Variants in SDHAF3 observed in about 807,000 individuals in gnomAD.
The protein encoded by SDHAF3 is succinate dehydrogenase assembly factor 3, mitochondrial.
A neutral mutation model predicts 11.5 loss-of-function variants in SDHAF3; 18 were observed. The ratio of observed to expected loss-of-function variants is 1.56; its 90% confidence interval spans 1.08 to 2.32. The LOEUF (loss-of-function observed/expected upper bound fraction) is 2.32. Ranked by LOEUF, SDHAF3 falls within the 30% of genes most tolerant of loss-of-function variation. SDHAF3 has a pLI of 0.00. For missense variants in SDHAF3, 200 were observed against 154.4 expected, an observed-to-expected ratio of 1.30 and a Z score of -1.57; for synonymous variants, 72 against 59.3, an observed-to-expected ratio of 1.21 and a Z score of -0.99.
chr7:97,180,952 C>A, intron 1 of SDHAF3, 60 bp from the exon 2 acceptor site: 1 of 1,401,158 alleles, frequency 7.1e-7, no homozygotes, highest in Non-Finnish European at 9.7e-7. Flanking sequence ...AATTCAAGTC[C>A]TCTAATGTTA....
intron 1 of SDHAF3, among the ~76,000 whole-genome samples, chr7:97,145,812 C>T (rs1228314194): frequency 1.3e-5 from 2 of 152,050 alleles, no homozygotes; most frequent in East Asian, 3.9e-4. Context: ...AAATGCCTTC[C>T]ATGTTTCAGA....
chr7:97,123,923 A>G (rs1188604462), intron 1 of SDHAF3, among the ~76,000 whole-genome samples: 4 of 151,956 alleles, frequency 2.6e-5, no homozygotes, highest in African/African-American at 9.7e-5. Flanking sequence ...ATAGATTGCA[A>G]AAATTTTCTC....
At chr7:97,179,507 ATTC>A (rs74273193) in intron 1 of SDHAF3, among the ~76,000 whole-genome samples, 201 of 151,414 alleles carry the variant, frequency 1.3e-3, no homozygotes, top group Non-Finnish European at 2.5e-3. Context: ...AACAATCAAC[ATTC>A]TTCTGCATGA....
chr7:97,142,221 T>C (rs78111355), intron 1 of SDHAF3, among the ~76,000 whole-genome samples: 7,338 of 151,634 alleles, frequency 0.048, 538 homozygotes, highest in East Asian at 0.29. Flanking sequence ...GCCTAGCTAA[T>C]TTTTTGTATT....
intron 1 of SDHAF3, among the ~76,000 whole-genome samples, chr7:97,177,252 C>T (rs1789691947): frequency 1.3e-5 from 2 of 151,996 alleles, no homozygotes; most frequent in South Asian, 2.1e-4. Flanking sequence ...CCTGTAATCC[C>T]AGCACTTTGG....
intron 1 of SDHAF3, among the ~76,000 whole-genome samples, chr7:97,124,702 G>A (rs1219434258): frequency 6.6e-6 from 1 of 152,096 alleles, no homozygotes; most frequent in South Asian, 2.1e-4. Flanking sequence ...TCCTTGAAGA[G>A]GTCCTTTGTG....
intron 1 of SDHAF3, among the ~76,000 whole-genome samples, chr7:97,137,946 C>T (rs1442161802): frequency 7.2e-6 from 1 of 139,580 alleles, no homozygotes; most frequent in Non-Finnish European, 1.5e-5. Context: ...CATCTTGGCT[C>T]ACCACAACCT....
intron 1 of SDHAF3, among the ~76,000 whole-genome samples, chr7:97,147,833 G>GT (rs766050457): frequency 2.0e-5 from 3 of 152,068 alleles, no homozygotes; most frequent in Non-Finnish European, 1.5e-5. Flanking sequence ...TCTTACTTTG[G>GT]TACTCTGCTC....
intron 1 of SDHAF3, among the ~76,000 whole-genome samples, chr7:97,138,065 GC>G (rs1004490310): frequency 1.7e-4 from 26 of 151,278 alleles, no homozygotes; most frequent in African/African-American, 5.8e-4. Context: ...AGGTTTCACC[GC>G]GTTGGCTAGT....
chr7:97,135,603 CTG>C lies in SDHAF3; in HGVS notation c.174+17723_174+17724del, dbSNP rs368986011. 9.1e-3 allele frequency: 1,019 copies of C among 112,308 alleles called. 16 individuals carry two copies. Among genetic ancestry groups the C allele is most frequent in the African/African-American group, 0.03 (854 of 28,798 alleles). 7.0% of individuals were successfully genotyped at this position (112,308 alleles called of 1,614,324 possible). A position where few individuals can be genotyped will look rare whatever the true frequency, so the allele number is the denominator to read the frequency against. On this transcript the variant is annotated intron_variant, in intron 1 of 1. Coordinates refer to ENST00000432641, the MANE Select transcript of SDHAF3 (RefSeq NM_020186.3). ...CATATGTGTGTGTGTGTGTGTGTGT[CTG>C]TGTGTGTGTGTGTGTGAGATGTATG...
intron 1 of SDHAF3, among the ~76,000 whole-genome samples, chr7:97,134,469 C>T (rs548549197): frequency 3.3e-5 from 5 of 152,258 alleles, no homozygotes; most frequent in African/African-American, 7.2e-5. Context: ...GTTTTTGAGA[C>T]GGAGTCTTGC....
chr7:97,147,969 C>T (rs1485401573), intron 1 of SDHAF3, among the ~76,000 whole-genome samples: 4 of 151,912 alleles, frequency 2.6e-5, no homozygotes, highest in East Asian at 1.9e-4. Context: ...GGCTGCAGTG[C>T]AGGCTCACGG....
At chr7:97,155,862 C>T (rs1562827297) in intron 1 of SDHAF3, among the ~76,000 whole-genome samples, 1 of 120,898 alleles carries the variant, frequency 8.3e-6, no homozygotes, top group African/African-American at 3.1e-5. Context: ...AAGCATGATA[C>T]ATTACCTAGT....
intron 1 of SDHAF3, among the ~76,000 whole-genome samples, chr7:97,167,349 AT>A (rs1789523718): frequency 6.6e-6 from 1 of 152,122 alleles, no homozygotes; most frequent in South Asian, 2.1e-4. Flanking sequence ...ATGATTGTAC[AT>A]TTCCTGAGGC....
intron 1 of SDHAF3, among the ~76,000 whole-genome samples, chr7:97,161,155 G>A (rs190745015): frequency 9.9e-5 from 15 of 152,284 alleles, no homozygotes; most frequent in Non-Finnish European, 4.4e-5. Flanking sequence ...ACAGTGTACT[G>A]TGTTGCCAGT....
At chr7:97,144,585 T>G (rs1789106736) in intron 1 of SDHAF3, among the ~76,000 whole-genome samples, 1 of 152,218 alleles carries the variant, frequency 6.6e-6, no homozygotes, top group Admixed American at 6.5e-5. Context: ...TTTCCCTGCT[T>G]TACTTTTTTG....
At chr7:97,139,460 A>T (rs6963921) in intron 1 of SDHAF3, among the ~76,000 whole-genome samples, 53,526 of 152,118 alleles carry the variant, frequency 0.35, 9,529 homozygotes, top group East Asian at 0.49. Flanking sequence ...CAGTGTAAAA[A>T]AGCCAATTAG....
At chr7:97,124,656 T>C (rs1791547626) in intron 1 of SDHAF3, among the ~76,000 whole-genome samples, 1 of 152,216 alleles carries the variant, frequency 6.6e-6, no homozygotes, top group Admixed American at 6.5e-5. Context: ...TTTGTTTGTG[T>C]CCTCTCTTAC....
chr7:97,131,438 G>A (rs192773973), intron 1 of SDHAF3, among the ~76,000 whole-genome samples: 32 of 152,328 alleles, frequency 2.1e-4, no homozygotes, highest in South Asian at 1.4e-3. Flanking sequence ...GTAATGAGAT[G>A]AGAATGGAAA....
Sources: allele counts gnomAD v4.1 joint callset (sites outside exome capture counted in the v4.1 genomes callset), GRCh38; gene constraint gnomAD v4.1.1; transcripts MANE v1.5; gene names NCBI Gene and HGNC (gene_info 2026-07-23, HGNC 2026-07-21).